SUMF1: variants seen among roughly 807,000 people sequenced by gnomAD.
SUMF1 encodes sulfatase modifying factor 1.
A neutral mutation model predicts 47.6 loss-of-function variants in SUMF1; 48 were observed. That is an observed-to-expected ratio of 1.01 (90% CI 0.80 to 1.28). The LOEUF is 1.28. SUMF1 is among the 50% of genes most tolerant of loss of function. The pLI, the probability that SUMF1 is intolerant of heterozygous loss-of-function variation, is 0.00. For synonymous variants in SUMF1, 230 were observed against 192.1 expected (o/e 1.20, Z -1.63); for missense variants, 571 against 485.4 (o/e 1.18, Z -1.66).
At chr3:4,121,361 G>A (rs970476018) in intron 8 of SUMF1, among the ~76,000 whole-genome samples, 2 of 152,222 alleles carry the variant, frequency 1.3e-5, no homozygotes, top group East Asian at 3.9e-4. Context: ...TATGTACTAG[G>A]TTCCACGCAT....
At chr3:4,248,510 T>A (rs956968972) in intron 8 of SUMF1, among the ~76,000 whole-genome samples, 3 of 152,164 alleles carry the variant, frequency 2.0e-5, no homozygotes, top group African/African-American at 7.2e-5. Context: ...CTAGTCTGGA[T>A]TAATGAGTGG....
intron 6 of SUMF1, among the ~76,000 whole-genome samples, chr3:4,416,396 C>T (rs1339545404): frequency 6.6e-6 from 1 of 152,080 alleles, no homozygotes; most frequent in Admixed American, 6.5e-5. Flanking sequence ...GTATTTGTGG[C>T]ATACTGCTAA....
chr3:4,103,048 G>A (rs763270006), intron 8 of SUMF1, among the ~76,000 whole-genome samples: 1 of 151,542 alleles, frequency 6.6e-6, no homozygotes, highest in African/African-American at 2.4e-5. Flanking sequence ...TCAGCCTCCT[G>A]AGTAGCTGGG....
At chr3:4,448,126 T>C (rs1283353651) in intron 3 of SUMF1, among the ~76,000 whole-genome samples, 7 of 152,170 alleles carry the variant, frequency 4.6e-5, no homozygotes, top group African/African-American at 1.7e-4. Context: ...GAAATTCGAA[T>C]GGAGCTCAAT....
At chr3:4,380,714 C>G (rs1002308510) in intron 7 of SUMF1, among the ~76,000 whole-genome samples, 1 of 152,144 alleles carries the variant, frequency 6.6e-6, no homozygotes, top group East Asian at 1.9e-4. Context: ...CCCATAGACA[C>G]GAAAATATCA....
intron 3 of SUMF1, among the ~76,000 whole-genome samples, chr3:4,438,245 T>C (rs1702467436): frequency 9.0e-6 from 1 of 111,310 alleles, no homozygotes; most frequent in Non-Finnish European, 1.9e-5. Flanking sequence ...AAAAAAAAGA[T>C]CTCATAGAAA....
intron 8 of SUMF1, among the ~76,000 whole-genome samples, chr3:4,341,574 AAG>A (rs558060037): frequency 2.0e-5 from 3 of 152,178 alleles, no homozygotes; most frequent in Non-Finnish European, 4.4e-5. Context: ...CCAGAATTTT[AAG>A]AGACTTACAA....
intron 8 of SUMF1, among the ~76,000 whole-genome samples, chr3:4,180,459 C>T (rs1420985857): frequency 6.6e-6 from 1 of 151,920 alleles, no homozygotes; most frequent in African/African-American, 2.4e-5. Flanking sequence ...AAACCAACAC[C>T]ACATGTTCTC....
chr3:4,212,611 T>A (rs1029482264), intron 8 of SUMF1, among the ~76,000 whole-genome samples: 3 of 152,094 alleles, frequency 2.0e-5, no homozygotes, highest in Non-Finnish European at 4.4e-5. Context: ...AACAAACTCC[T>A]CTGAGCTAAA....
At chr3:4,355,493 C>A (rs1373943320) in intron 8 of SUMF1, among the ~76,000 whole-genome samples, 1 of 152,142 alleles carries the variant, frequency 6.6e-6, no homozygotes, top group Non-Finnish European at 1.5e-5. Context: ...AAAATGCAAC[C>A]AATGGCTCTT....
intron 7 of SUMF1, among the ~76,000 whole-genome samples, chr3:4,401,678 A>G (rs564515317): frequency 4.8e-4 from 73 of 152,310 alleles, no homozygotes; most frequent in Admixed American, 4.7e-3. Flanking sequence ...GACTGACCTC[A>G]CTTTCATCAC....
rs537412869 is a variant in SUMF1 at position 4,092,445 on chromosome 3, T to G, written c.1015-23700A>C. Among the ~76,000 whole-genome samples, 23 of 152,314 alleles carry G rather than the reference T, an allele frequency of 1.5e-4. 1 individual carries two copies. In the South Asian group the frequency reaches 4.8e-3, roughly 32 times the overall value. ...AAGAATCCTTTCCACATTGAGCATC[T>G]ATGCCTTTGGTGATACCACTATTTT... On this transcript the variant is annotated intron_variant and NMD_transcript_variant, in intron 8 of 12. Coordinates refer to the SUMF1 transcript ENST00000448413.
intron 8 of SUMF1, among the ~76,000 whole-genome samples, chr3:4,167,791 T>C (rs1159550864): frequency 6.6e-6 from 1 of 152,214 alleles, no homozygotes; most frequent in East Asian, 1.9e-4. Flanking sequence ...TATATTTATC[T>C]GAGAATGATG....
At chr3:4,313,492 G>C in intron 8 of SUMF1, 1 of 1,613,896 alleles carries the variant, frequency 6.2e-7, no homozygotes, top group Non-Finnish European at 8.5e-7. Context: ...TGCAGCCAAA[G>C]ATATTGTGCC....
intron 7 of SUMF1, among the ~76,000 whole-genome samples, chr3:4,381,341 G>A (rs552433985): frequency 6.6e-6 from 1 of 152,276 alleles, no homozygotes; most frequent in South Asian, 2.1e-4. Flanking sequence ...TCGGGGAAAG[G>A]GTGGGAAGGG....
chr3:4,076,025 A>G (rs1319783728), intron 8 of SUMF1, among the ~76,000 whole-genome samples: 3 of 152,154 alleles, frequency 2.0e-5, no homozygotes, highest in African/African-American at 7.2e-5. Context: ...AACAGCCCAC[A>G]TTGCCAAGAC....
intron 8 of SUMF1, among the ~76,000 whole-genome samples, chr3:4,074,502 A>G (rs2125039619): frequency 6.6e-6 from 1 of 152,240 alleles, no homozygotes; most frequent in South Asian, 2.1e-4. Context: ...AGCAGGACTA[A>G]AGGAGAAAGA....
In SUMF1 at chr3:4,313,190, G is replaced by A. The variant is rs535462490; in HGVS notation, c.1014+63140C>T. 7 of 1,613,998 alleles carry A rather than the reference G, an allele frequency of 4.3e-6. No homozygotes were observed. The Middle Eastern group carries it at 6.6e-4, about 152-fold the overall frequency. ...CAAGTGTTCAAGACGCATAAAAAAG[G>A]CTGGGGACTTCGTACCTTGGAATTT... On this transcript the variant is annotated intron_variant and NMD_transcript_variant, in intron 8 of 12. Transcript: ENST00000448413.
chr3:4,368,798 C>A (rs1468387558), intron 8 of SUMF1, among the ~76,000 whole-genome samples: 1 of 152,164 alleles, frequency 6.6e-6, no homozygotes, highest in Non-Finnish European at 1.5e-5. Flanking sequence ...CAAAAGCCTC[C>A]ACATGCCAAA....
Sources: allele counts gnomAD v4.1 joint callset (sites outside exome capture counted in the v4.1 genomes callset), GRCh38; gene constraint gnomAD v4.1.1; transcripts MANE v1.5; gene names NCBI Gene and HGNC (gene_info 2026-07-23, HGNC 2026-07-21).